PCSK6: variants seen among roughly 807,000 people sequenced by gnomAD.
The protein encoded by PCSK6 is proprotein convertase subtilisin/kexin type 6.
Under a neutral mutation model 123.3 loss-of-function variants are expected in PCSK6, and 85 were observed. The ratio of observed to expected loss-of-function variants is 0.69; its 90% CI spans 0.58 to 0.83. The LOEUF is 0.83. Among genes scored for constraint, PCSK6 ranks in the 40% least tolerant of loss-of-function variants. The pLI is 0.00. For synonymous variants in PCSK6, 508 were observed against 516.0 expected (o/e 0.98, Z 0.21); for missense variants, 1,191 against 1,282.3 (o/e 0.93, Z 1.09).
At chr15:101,327,592 G>C (rs985062260) in intron 15 of PCSK6, among the ~76,000 whole-genome samples, 2 of 152,186 alleles carry the variant, frequency 1.3e-5, no homozygotes, top group African/African-American at 4.8e-5. Flanking sequence ...AGAGGGGATG[G>C]GGAGTGAGCT....
chr15:101,361,192 C>A (rs1376129474), intron 13 of PCSK6, among the ~76,000 whole-genome samples: 4 of 133,570 alleles, frequency 3.0e-5, no homozygotes, highest in African/African-American at 1.1e-4. Context: ...GCATATTGAT[C>A]AATTTCTCTT....
intron 1 of PCSK6, among the ~76,000 whole-genome samples, chr15:101,464,097 C>T (rs2057400670): frequency 6.6e-6 from 1 of 152,158 alleles, no homozygotes; most frequent in Non-Finnish European, 1.5e-5. Flanking sequence ...TCTGCAGAGA[C>T]AACTCTCCCA....
At chr15:101,316,908 C>G (rs1452561557) in intron 19 of PCSK6, among the ~76,000 whole-genome samples, 1 of 91,686 alleles carries the variant, frequency 1.1e-5, no homozygotes, top group African/African-American at 9.0e-5. Flanking sequence ...AGACTTAATT[C>G]TGTTTTTTTT....
chr15:101,357,942 C>A (rs571427383), intron 13 of PCSK6, among the ~76,000 whole-genome samples: 70 of 152,352 alleles, frequency 4.6e-4, no homozygotes, highest in African/African-American at 1.7e-3. Context: ...AGGCCCTTTC[C>A]TTATGTCGGC....
intron 1 of PCSK6, among the ~76,000 whole-genome samples, chr15:101,483,121 C>G (rs71416212): frequency 0.072 from 10,958 of 152,256 alleles, 418 homozygotes; most frequent in South Asian, 0.098. Context: ...TGGCTCAGAG[C>G]ATAAAACCAA....
At chr15:101,387,425 G>T (rs1210332055) in intron 9 of PCSK6, among the ~76,000 whole-genome samples, 1 of 152,242 alleles carries the variant, frequency 6.6e-6, no homozygotes, top group Non-Finnish European at 1.5e-5. Flanking sequence ...GAATTTAGGT[G>T]CCGGGATGAC....
At chr15:101,425,769 C>T (rs74032873) in intron 6 of PCSK6, among the ~76,000 whole-genome samples, 164 of 152,236 alleles carry the variant, frequency 1.1e-3, no homozygotes, top group African/African-American at 3.8e-3. Context: ...ACTCGGGAAA[C>T]GTAGGGAAAG....
rs1299262812 is a variant in PCSK6, at chr15:101,427,904, C to A, written c.811G>T (p.Ala271Ser). The A allele has an allele frequency of 5.1e-6, 8 of 1,577,656 alleles. No individual in the cohort carries two copies. In the African/African-American group the frequency reaches 8.1e-5, roughly 16 times the overall value. ...SYCIVGIAYN[A>S]KIGGIRMLDG... ...CGCCCGGCCTTACCTCCTATTTTGG[C>A]ATTGTACGCTATGCCCACGATGCAG... Residue 271 changes from alanine to serine, a missense_variant, in exon 6 of 22, where the codon GCC becomes TCC. Physicochemically the swap from Ala to Ser is moderately conservative, Grantham distance 99. Around this residue, in one of 3 missense-constraint regions of PCSK6, gnomAD observed 357 missense variants for 484.5 expected, o/e 0.74. Transcript: ENST00000611716.
chr15:101,356,240 T>C (rs994720129), intron 13 of PCSK6, among the ~76,000 whole-genome samples: 5 of 152,090 alleles, frequency 3.3e-5, no homozygotes, highest in Non-Finnish European at 5.9e-5. Flanking sequence ...CCTTGCAGGC[T>C]CTGTGCGTAA....
At chr15:101,342,673 G>A (rs374957278) in intron 13 of PCSK6, among the ~76,000 whole-genome samples, 61 of 152,162 alleles carry the variant, frequency 4.0e-4, no homozygotes, top group African/African-American at 1.1e-3. Context: ...AGGCTGAGGC[G>A]GGTGGATCAT....
chr15:101,462,237 G>C (rs533700054), intron 1 of PCSK6, among the ~76,000 whole-genome samples: 7 of 152,310 alleles, frequency 4.6e-5, no homozygotes, highest in Admixed American at 2.0e-4. Context: ...GCCTTTATCA[G>C]AGATGTGTAA....
intron 2 of PCSK6, among the ~76,000 whole-genome samples, chr15:101,438,602 G>T (rs186954121): frequency 6.6e-6 from 1 of 152,194 alleles, no homozygotes; most frequent in Non-Finnish European, 1.5e-5. Context: ...GCACAGCAGC[G>T]TCAGTCCGCC....
chr15:101,328,996 C>T (rs1002459723), intron 15 of PCSK6, among the ~76,000 whole-genome samples: 16 of 152,216 alleles, frequency 1.1e-4, no homozygotes, highest in African/African-American at 3.9e-4. Context: ...GCAATTTGTA[C>T]TTAGGTCTGC....
rs577439047 is a variant in PCSK6 at position 101,471,510 on chromosome 15, T to C, written c.297+17864A>G. Reference sequence around the variant, plus strand: ...CAAACTTCTCTCCATCCATCCATCCTTCTATCCATTTGTCAACACATCTTA... The same window carrying C: ...CAAACTTCTCTCCATCCATCCATCCCTCTATCCATTTGTCAACACATCTTA... On this transcript the variant is annotated intron_variant, in intron 1 of 21. Transcript: ENST00000611716. Among the ~76,000 whole-genome samples the C allele has an allele frequency of 2.6e-5, 4 of 152,212 alleles. No homozygotes were observed. In the South Asian group the frequency reaches 6.2e-4, roughly 24 times the overall value.
intron 5 of PCSK6, 85 bp downstream of exon 5, chr15:101,429,902 C>T: frequency 2.5e-6 from 3 of 1,212,200 alleles, no homozygotes; most frequent in Admixed American, 1.8e-5. Context: ...CAGCCACCGC[C>T]TCTCCAGCTC....
At chr15:101,445,117 C>G (rs1328465497) in intron 1 of PCSK6, among the ~76,000 whole-genome samples, 2 of 152,198 alleles carry the variant, frequency 1.3e-5, no homozygotes, top group East Asian at 3.9e-4. Flanking sequence ...CATGAGGAAT[C>G]AATGGGAATC....
chr15:101,388,326 A>C (rs2042130294), intron 9 of PCSK6, among the ~76,000 whole-genome samples: 1 of 152,236 alleles, frequency 6.6e-6, no homozygotes, highest in Non-Finnish European at 1.5e-5. Flanking sequence ...ACACGTAATT[A>C]CAAGCATTGA....
At chr15:101,403,308 T>A (rs552664715) in intron 6 of PCSK6, among the ~76,000 whole-genome samples, 1 of 146,376 alleles carries the variant, frequency 6.8e-6, no homozygotes, top group African/African-American at 2.5e-5. Context: ...CATTAGGAGA[T>A]ATACCTAATG....
chr15:101,342,367 C>T (rs901259036), intron 13 of PCSK6, among the ~76,000 whole-genome samples: 8 of 151,848 alleles, frequency 5.3e-5, no homozygotes, highest in African/African-American at 1.7e-4. Context: ...TATTGTAATC[C>T]CTAGAGCACC....
Sources: gnomAD v4.1 joint callset for allele counts (sites outside exome capture counted in the v4.1 genomes callset) on GRCh38, gnomAD v4.1.1 for gene constraint, gnomAD v4.1.1 regional missense constraint, MANE v1.5 for transcripts, NCBI Gene and HGNC (gene_info 2026-07-23, HGNC 2026-07-21) for gene names.